The following MACROD2 variants were observed in gnomAD, a reference collection of about 807,000 sequenced individuals.
MACROD2 encodes the protein ADP-ribose glycohydrolase MACROD2.
A neutral mutation model predicts 70.4 loss-of-function variants in MACROD2; 36 were observed. The observed-to-expected ratio is 0.51, with a 90% CI of 0.39 to 0.68. The LOEUF is 0.68. Ranked by LOEUF, MACROD2 falls within the 30% of genes least tolerant of loss-of-function variation. MACROD2 has a pLI of 0.00. For synonymous variants in MACROD2, 172 were observed against 178.8 expected, an observed-to-expected ratio of 0.96 and a Z score of 0.30; for missense variants, 496 against 538.4, an observed-to-expected ratio of 0.92 and a Z score of 0.78.
chr20:15,114,916 A>T (rs1253540534), intron 5 of MACROD2, among the ~76,000 whole-genome samples: 7 of 152,264 alleles, frequency 4.6e-5, no homozygotes, highest in Middle Eastern at 3.4e-3. Flanking sequence ...CAGGAATCCA[A>T]ATCTTAAGAA....
chr20:15,886,970 T>C (rs906509995), intron 10 of MACROD2, among the ~76,000 whole-genome samples: 12 of 152,242 alleles, frequency 7.9e-5, no homozygotes, highest in African/African-American at 2.6e-4. Flanking sequence ...GATTAAAAGC[T>C]CCTTCTTCCT....
intron 15 of MACROD2, among the ~76,000 whole-genome samples, chr20:16,004,254 G>A (rs1224293732): frequency 6.6e-6 from 1 of 152,078 alleles, no homozygotes; most frequent in African/African-American, 2.4e-5. Context: ...CCCTCTTTGT[G>A]GTCATTGCAC....
intron 10 of MACROD2, among the ~76,000 whole-genome samples, chr20:15,894,667 G>A (rs1191082295): frequency 6.6e-6 from 1 of 152,240 alleles, no homozygotes; most frequent in Non-Finnish European, 1.5e-5. Flanking sequence ...ATGAAGAGTA[G>A]AAATAGCATG....
intron 9 of MACROD2, among the ~76,000 whole-genome samples, chr20:15,878,867 T>C (rs1187475545): frequency 2.0e-5 from 3 of 152,180 alleles, no homozygotes; most frequent in Non-Finnish European, 4.4e-5. Context: ...AAACTTGTTA[T>C]TCATGAGAAA....
At chr20:15,140,369 C>A (rs1314159530) in intron 5 of MACROD2, among the ~76,000 whole-genome samples, 1 of 152,076 alleles carries the variant, frequency 6.6e-6, no homozygotes, top group Non-Finnish European at 1.5e-5. Flanking sequence ...TCATTTCCTT[C>A]AAAGTATTCA....
intron 5 of MACROD2, among the ~76,000 whole-genome samples, chr20:14,933,075 CCTT>C (rs960961394): frequency 6.6e-5 from 10 of 152,004 alleles, no homozygotes; most frequent in African/African-American, 2.4e-4. Context: ...TTTAACGTAA[CCTT>C]TTTTTTTTAA....
chr20:14,285,257 C>T (rs1210836239), intron 3 of MACROD2, among the ~76,000 whole-genome samples: 2 of 152,164 alleles, frequency 1.3e-5, no homozygotes, highest in Non-Finnish European at 2.9e-5. Context: ...TAATTCATCT[C>T]TATTTTATAC....
At chr20:15,282,443 C>A (rs1222084918) in intron 6 of MACROD2, among the ~76,000 whole-genome samples, 1 of 152,168 alleles carries the variant, frequency 6.6e-6, no homozygotes, top group Non-Finnish European at 1.5e-5. Flanking sequence ...AAACTGAATG[C>A]TTTTAAGAGC....
intron 5 of MACROD2, among the ~76,000 whole-genome samples, chr20:14,859,346 G>A (rs1332286134): frequency 4.6e-5 from 7 of 152,178 alleles, no homozygotes; most frequent in Admixed American, 1.3e-4. Flanking sequence ...ATGATTGCTG[G>A]TGTGGAATTA....
intron 3 of MACROD2, among the ~76,000 whole-genome samples, chr20:14,392,650 T>G (rs536927364): frequency 7.6e-4 from 116 of 152,322 alleles, no homozygotes; most frequent in African/African-American, 2.6e-3. Flanking sequence ...TGCCATGAGT[T>G]AAATATTAGT....
chr20:15,938,699 G>C (rs1431869944), intron 12 of MACROD2, among the ~76,000 whole-genome samples: 2 of 152,086 alleles, frequency 1.3e-5, no homozygotes, highest in Non-Finnish European at 2.9e-5. Flanking sequence ...AGGAAGAGTT[G>C]CATACTAAAT....
chr20:14,842,373 T>C (rs1793068841), intron 5 of MACROD2, among the ~76,000 whole-genome samples: 1 of 152,088 alleles, frequency 6.6e-6, no homozygotes, highest in Non-Finnish European at 1.5e-5. Flanking sequence ...AGTACCTTTT[T>C]TCTGAAGTCT....
intron 3 of MACROD2, among the ~76,000 whole-genome samples, chr20:14,381,147 TG>T (rs1469574324): frequency 6.6e-6 from 1 of 152,186 alleles, no homozygotes; most frequent in East Asian, 1.9e-4. Flanking sequence ...GAGACTGATC[TG>T]GATTGATATA....
chr20:14,276,303 A>C (rs1393115571), intron 3 of MACROD2, among the ~76,000 whole-genome samples: 1 of 151,052 alleles, frequency 6.6e-6, no homozygotes, highest in Non-Finnish European at 1.5e-5. Flanking sequence ...AGCCATAAAA[A>C]ATGATGAGTT....
intron 3 of MACROD2, among the ~76,000 whole-genome samples, chr20:14,302,965 A>T (rs1210509001): frequency 6.6e-6 from 1 of 152,002 alleles, no homozygotes; most frequent in Non-Finnish European, 1.5e-5. Context: ...AGTTATTTTT[A>T]AAGTGGTGAA....
chr20:15,088,860 G>C (rs1404458776), intron 5 of MACROD2, among the ~76,000 whole-genome samples: 2 of 151,942 alleles, frequency 1.3e-5, no homozygotes, highest in East Asian at 3.9e-4. Flanking sequence ...AGTGGTATTA[G>C]GAAAAGAGGG....
At chr20:14,541,378 G>A (rs1045724948) in intron 4 of MACROD2, among the ~76,000 whole-genome samples, 10 of 152,036 alleles carry the variant, frequency 6.6e-5, no homozygotes, top group African/African-American at 2.4e-4. Context: ...TCTCCCTTCA[G>A]AGTCCATCTT....
chr20:14,237,869 T>C (rs1037451800), intron 3 of MACROD2, among the ~76,000 whole-genome samples: 6 of 152,072 alleles, frequency 3.9e-5, no homozygotes, highest in African/African-American at 1.2e-4. Context: ...ACAAAGGACA[T>C]GAACTCATCC....
At chr20:15,671,224 T>C (rs1468557139) in intron 8 of MACROD2, among the ~76,000 whole-genome samples, 3 of 152,186 alleles carry the variant, frequency 2.0e-5, no homozygotes, top group Non-Finnish European at 4.4e-5. Context: ...GACTTATTCA[T>C]GTGGTACCTC....
Sources: allele counts gnomAD v4.1 joint callset (sites outside exome capture counted in the v4.1 genomes callset), GRCh38; gene constraint gnomAD v4.1.1; transcripts MANE v1.5; gene names NCBI Gene and HGNC (gene_info 2026-07-23, HGNC 2026-07-21).